The following MAST4 variants were observed in gnomAD, a reference collection of about 807,000 sequenced individuals.
MAST4 encodes the protein microtubule-associated serine/threonine-protein kinase 4.
A neutral mutation model predicts 162.7 loss-of-function variants in MAST4; 89 were observed. That is an observed-to-expected ratio of 0.55 (90% CI 0.46 to 0.65). The LOEUF is 0.65. Among genes scored for constraint, MAST4 ranks in the 30% least tolerant of loss-of-function variants. MAST4 has a pLI of 0.00. For synonymous variants in MAST4, 1,479 were observed against 1,361.1 expected (o/e 1.09, Z -1.91); for missense variants, 3,153 against 3,374.0 (o/e 0.93, Z 1.62).
At chr5:66,648,346 G>T (rs1376238154) in intron 1 of MAST4, among the ~76,000 whole-genome samples, 4 of 151,988 alleles carry the variant, frequency 2.6e-5, no homozygotes, top group Admixed American at 2.6e-4. Flanking sequence ...GGTGAAAAAA[G>T]AATCAAGTGA....
rs1339070041 is a variant in MAST4, at chr5:67,166,234, G to C, written c.7055G>C (p.Arg2352Thr). ...ACCCTGTGCAAACAGACAGACAACA[G>C]ACAGACAGACAAAAGCCCGAGTCAG... is the stretch of plus-strand genomic sequence containing the variant. ...CPTLCKQTDN[R>T]QTDKSPSQPA... The change falls in exon 29 of 29, where the codon AGA becomes ACA. Residue 2352 changes from arginine to threonine, a missense_variant. Coordinates refer to ENST00000403625, the MANE Select transcript of MAST4 (RefSeq NM_001164664.2). 6 of 1,551,632 alleles carry C rather than the reference G, an allele frequency of 3.9e-6. No homozygotes were observed. In the East Asian group the frequency reaches 1.5e-4, roughly 38 times the overall value.
intron 1 of MAST4, among the ~76,000 whole-genome samples, chr5:66,654,691 TTTTCA>T (rs879408130): frequency 6.6e-6 from 1 of 152,308 alleles, no homozygotes; most frequent in African/African-American, 2.4e-5. Context: ...AACAAATAAC[TTTTCA>T]TTTTATTGGT....
intron 4 of MAST4, among the ~76,000 whole-genome samples, chr5:66,980,893 T>C (rs942538119): frequency 8.5e-5 from 13 of 152,318 alleles, no homozygotes; most frequent in African/African-American, 2.6e-4. Context: ...GCTTCTGACG[T>C]TGGCAAAGAG....
intron 4 of MAST4, among the ~76,000 whole-genome samples, chr5:66,943,533 A>C (rs1225946909): frequency 6.6e-6 from 1 of 152,096 alleles, no homozygotes; most frequent in African/African-American, 2.4e-5. Context: ...ATACAGTTGA[A>C]ATCTATTTAT....
intron 1 of MAST4, among the ~76,000 whole-genome samples, chr5:66,634,106 C>G (rs1041479435): frequency 2.0e-5 from 3 of 152,158 alleles, no homozygotes; most frequent in Admixed American, 6.6e-5. Flanking sequence ...GTTGCTTAGG[C>G]TACAGTCCAG....
chr5:66,749,041 C>T (rs937328052), intron 1 of MAST4, among the ~76,000 whole-genome samples: 4 of 151,752 alleles, frequency 2.6e-5, no homozygotes, highest in Non-Finnish European at 5.9e-5. Flanking sequence ...GATAAGAGTG[C>T]CTGAGAGGTG....
intron 10 of MAST4, among the ~76,000 whole-genome samples, chr5:67,108,040 A>G (rs1350729067): frequency 1.3e-5 from 2 of 152,140 alleles, no homozygotes; most frequent in African/African-American, 2.4e-5. Context: ...CTCCCCACTT[A>G]AGTTATTAGA....
intron 5 of MAST4, among the ~76,000 whole-genome samples, chr5:67,066,507 G>A (rs1485312264): frequency 2.0e-5 from 3 of 150,924 alleles, no homozygotes; most frequent in African/African-American, 7.3e-5. Flanking sequence ...TTTTCTTTTA[G>A]CATTATGTTT....
intron 4 of MAST4, among the ~76,000 whole-genome samples, chr5:66,980,619 C>T (rs150742601): frequency 5.6e-4 from 86 of 152,270 alleles, no homozygotes; most frequent in East Asian, 1.2e-3. Flanking sequence ...ATATTTTAAA[C>T]GAGTCCTTTT....
chr5:66,965,587 CGGG>C (rs70987150), intron 4 of MAST4, among the ~76,000 whole-genome samples: 4 of 51,952 alleles, frequency 7.7e-5, no homozygotes, highest in African/African-American at 1.8e-4. Flanking sequence ...TTGGTGGGGG[CGGG>C]GGGGGGGGCG....
intron 3 of MAST4, among the ~76,000 whole-genome samples, chr5:66,895,038 C>T (rs868330083): frequency 6.6e-6 from 1 of 152,140 alleles, no homozygotes; most frequent in Admixed American, 6.5e-5. Context: ...GCAGAGGTGT[C>T]CTAACTGGGC....
chr5:66,925,114 T>C (rs994733738), intron 4 of MAST4, among the ~76,000 whole-genome samples: 1 of 152,214 alleles, frequency 6.6e-6, no homozygotes, highest in Non-Finnish European at 1.5e-5. Flanking sequence ...AATTCTTATT[T>C]GATAATTATT....
chr5:67,006,452 C>T (rs1182027515), intron 4 of MAST4, among the ~76,000 whole-genome samples: 2 of 152,192 alleles, frequency 1.3e-5, no homozygotes, highest in Non-Finnish European at 2.9e-5. Flanking sequence ...AAGAGAGATA[C>T]ATGCTACACA....
intron 1 of MAST4, among the ~76,000 whole-genome samples, chr5:66,677,549 G>T (rs1748031296): frequency 6.6e-6 from 1 of 152,108 alleles, no homozygotes; most frequent in Non-Finnish European, 1.5e-5. Context: ...GGTACTAGTG[G>T]TGATTTAAAA....
intron 1 of MAST4, among the ~76,000 whole-genome samples, chr5:66,642,173 T>A (rs977326932): frequency 3.3e-5 from 5 of 152,152 alleles, no homozygotes; most frequent in African/African-American, 1.2e-4. Context: ...TCTAATTCTG[T>A]TCAAGTCTCT....
chr5:67,136,565 G>A lies in MAST4; in HGVS notation c.2395G>A (p.Glu799Lys), dbSNP rs1445906313. 4 of 1,599,752 alleles carry A rather than the reference G, an allele frequency of 2.5e-6. No homozygotes were observed. Among genetic ancestry groups the A allele is most frequent in the Non-Finnish European group, 3.4e-6 (4 of 1,172,484 alleles). ...EELFGQVISD[E>K]INWPEKDEAP... The stretch of plus-strand genomic sequence containing the variant: ...TAAACAACTTTTCTTCCTTCTAGAT[G>A]AGATCAACTGGCCTGAGAAGGATGA... The change falls in exon 19 of 29, where the codon GAG (glutamate) becomes AAG (lysine). Residue 799 changes from glutamate to lysine, a missense_variant and splice_region_variant. By Grantham distance (56) the Glu-to-Lys change is moderately conservative. This residue lies in a region of MAST4 where 62 missense variants were observed against 63.1 expected (regional missense o/e 0.98). Transcript: ENST00000403625.
At chr5:67,009,062 C>T (rs1006558101) in intron 4 of MAST4, among the ~76,000 whole-genome samples, 5 of 152,168 alleles carry the variant, frequency 3.3e-5, no homozygotes, top group Non-Finnish European at 7.3e-5. Context: ...ATTTATTAAG[C>T]ACCTATTGTG....
intron 3 of MAST4, among the ~76,000 whole-genome samples, chr5:66,793,280 A>G (rs1755503485): frequency 6.6e-6 from 1 of 152,244 alleles, no homozygotes; most frequent in African/African-American, 2.4e-5. Flanking sequence ...AGCTGGCAGA[A>G]TACATGCTCA....
intron 3 of MAST4, among the ~76,000 whole-genome samples, chr5:66,819,250 T>C (rs1756876473): frequency 6.6e-6 from 1 of 152,198 alleles, no homozygotes; most frequent in African/African-American, 2.4e-5. Flanking sequence ...GCCTTCTGCA[T>C]TGCTACCTGA....
Sources: allele counts gnomAD v4.1 joint callset (sites outside exome capture counted in the v4.1 genomes callset), GRCh38; gene constraint gnomAD v4.1.1; regional missense constraint gnomAD v4.1.1; transcripts MANE v1.5; gene names NCBI Gene and HGNC (gene_info 2026-07-23, HGNC 2026-07-21).